SIPA1: variants seen among roughly 807,000 people sequenced by gnomAD.
SIPA1 encodes signal-induced proliferation-associated protein 1.
In SIPA1, 51 loss-of-function variants were observed where a neutral mutation model predicts 88.1. The observed-to-expected ratio is 0.58, with a 90% CI of 0.46 to 0.73. The LOEUF is 0.73. Ranked by LOEUF, SIPA1 falls within the 30% of genes least tolerant of loss-of-function variation. SIPA1 has a pLI of 0.00. For missense variants in SIPA1, 1,348 were observed against 1,467.6 expected (o/e 0.92, Z 1.33); for synonymous variants, 681 against 664.8 (o/e 1.02, Z -0.37).
At chr11:65,649,129 A>G (rs1856198503) in intron 9 of SIPA1, 133 bp from the exon 10 acceptor site, 1 of 656,078 alleles carries the variant, frequency 1.5e-6, no homozygotes, top group Non-Finnish European at 2.6e-6. Flanking sequence ...CCAGGCAGAC[A>G]TTTTTCACTG....
chr11:65,642,570 C>A lies in SIPA1; in HGVS notation c.915C>A (p.Pro305=). The change falls in exon 4 of 16, where the codon CCC becomes CCA. Residue 305 remains proline (P), a synonymous_variant. Transcript: ENST00000534313. This position sits in a 1 kb window ranked among gnomAD's most constrained non-coding sequence, Gnocchi z 6.5. The stretch of plus-strand genomic sequence containing the variant: ...AGCACGTGGCGCCGCAGCTGAGCCC[C>A]AGCTGCCTGCGCCTGGGCTCAGCTT... ...LLEHVAPQLS[P]SCLRLGSASP... 6.3e-7 allele frequency: 1 copy of A among 1,599,890 alleles called. No individual in the cohort carries two copies. The highest frequency in any genetic ancestry group is 8.5e-7 in the Non-Finnish European group (1 of 1,177,668).
At chr11:65,645,611 A>G (rs1224154140) in intron 5 of SIPA1, among the ~76,000 whole-genome samples, 1 of 150,634 alleles carries the variant, frequency 6.6e-6, no homozygotes, top group African/African-American at 2.4e-5. Context: ...TTCTATTTCA[A>G]CTCTCCCATC....
Position 65,647,479 on chromosome 11 carries a change from G to T in SIPA1, c.2127G>T (p.Thr709=), listed in dbSNP as rs1268149855. 1.4e-6 allele frequency: 2 copies of T among 1,463,286 alleles called. No individual in the cohort carries two copies. Among genetic ancestry groups the T allele is most frequent in the Non-Finnish European group, 1.8e-6 (2 of 1,115,498 alleles). The allele number at this position is 1,463,286 out of a possible 1,614,324, so 90.6% of individuals were successfully genotyped here. ...GFEVDAEGFV[T]HVERFTFAET... The stretch of plus-strand genomic sequence containing the variant: ...AGGTGGACGCCGAGGGATTCGTCAC[G>T]CACGTGGAGCGCTTCACATTCGCCG... Residue 709 remains threonine, a synonymous_variant, in exon 9 of 16, where the codon ACG becomes ACT. Transcript: ENST00000534313.
rs777610491 is a variant in SIPA1, at chr11:65,649,488, C to T, written c.2525+8C>T. 2 of 1,613,666 alleles carry T rather than the reference C, an allele frequency of 1.2e-6. No individual in the cohort carries two copies. The highest frequency in any genetic ancestry group is 2.2e-5 in the South Asian group (2 of 91,058). On this transcript the variant is annotated splice_region_variant and intron_variant, in intron 10 of 15. Coordinates refer to ENST00000534313, the MANE Select transcript of SIPA1 (RefSeq NM_006747.4). ...CTCGCTGTCACCACGCAGGTGCACA[C>T]TCTTGGCCTTCCCTCTCCTCCAGGC...
chr11:65,647,426 C>A lies in SIPA1; in HGVS notation c.2074C>A (p.Arg692Ser). ...CGAGACCCGCGAGCTGGCGCTGCCC[C>A]GCGACGGTCAAGGCCGCCTGGGCTT... ...GCETRELALP[R>S]DGQGRLGFEV... The change falls in exon 9 of 16, where the codon CGC becomes AGC. Residue 692 changes from arginine to serine, a missense_variant. By Grantham distance (110) the Arg-to-Ser change is moderately radical. Coordinates refer to ENST00000534313, the MANE Select transcript of SIPA1 (RefSeq NM_006747.4). 1 of 1,476,884 alleles carries A rather than the reference C, an allele frequency of 6.8e-7. No homozygotes were observed. Among genetic ancestry groups the A allele is most frequent in the East Asian group, 3.0e-5 (1 of 33,324 alleles). The allele number at this position is 1,476,884 out of a possible 1,614,324, so 91.5% of individuals were successfully genotyped here. A position where few individuals can be genotyped will look rare whatever the true frequency, so the allele number is the denominator to read the frequency against.
In SIPA1 at chr11:65,647,075, A is replaced by G; in HGVS notation, c.2031+10A>G. ...GGTGGCGCGCCTGCAGGTGAGCTGG[A>G]GTGGTAAACTGGGGCCCCTGCGCGC... On this transcript the variant is annotated intron_variant, in intron 8 of 15. Coordinates refer to ENST00000534313, the MANE Select transcript of SIPA1 (RefSeq NM_006747.4). The G allele has an allele frequency of 6.6e-7, 1 of 1,520,784 alleles. No individual in the cohort carries two copies. The allele number at this position is 1,520,784 out of a possible 1,614,324, so 94.2% of individuals were successfully genotyped here.
At chr11:65,641,649 G>A (rs1231651922) in intron 2 of SIPA1, 49 bp downstream of exon 2, 1 of 1,504,208 alleles carries the variant, frequency 6.6e-7, no homozygotes, top group Non-Finnish European at 9.0e-7. Context: ...TGAAGAAGAG[G>A]TCCCTGTCAC....
At position 65,642,278 on chromosome 11, in the gene SIPA1, G is replaced by A. The variant is rs1165308655; in HGVS notation, c.708G>A (p.Glu236=). The part of the protein sequence containing the change: ...KEHQNFFGMD[E]SLGPVAVSLR... ...ATCAGAACTTCTTCGGGATGGACGA[G>A]TCGCTGGGCCCGGTGGCAGTGAGCC... Residue 236 remains glutamate, a synonymous_variant, in exon 3 of 16, where the codon GAG becomes GAA. Coordinates refer to ENST00000534313, the MANE Select transcript of SIPA1 (RefSeq NM_006747.4). This position sits in a 1 kb window ranked among gnomAD's most constrained non-coding sequence, Gnocchi z 6.5. 9.6e-6 allele frequency: 15 copies of A among 1,554,938 alleles called. No homozygotes were observed. Among genetic ancestry groups the A allele is most frequent in the Admixed American group, 2.0e-5 (1 of 49,562 alleles).
chr11:65,649,483 G>A lies in SIPA1; in HGVS notation c.2525+3G>A, dbSNP rs951378313. The A allele has an allele frequency of 1.2e-6, 2 of 1,613,458 alleles. No homozygotes were observed. On this transcript the variant is annotated splice_donor_region_variant and intron_variant, in intron 10 of 15. Transcript: ENST00000534313. ...CAGAACTCGCTGTCACCACGCAGGT[G>A]CACACTCTTGGCCTTCCCTCTCCTC...
At chr11:65,641,929 G>A (rs1410249091) in intron 2 of SIPA1, among the ~76,000 whole-genome samples, 1 of 152,184 alleles carries the variant, frequency 6.6e-6, no homozygotes, top group African/African-American at 2.4e-5. Context: ...CCCTGCATCC[G>A]TGAACCTTGT....
Position 65,649,663 on chromosome 11 carries a change from CCT to C in SIPA1, c.2629_2630del (p.Leu877AspfsTer12). 1 of 1,614,088 alleles carries C rather than the reference CCT, an allele frequency of 6.2e-7. No individual in the cohort carries two copies. The highest frequency in any genetic ancestry group is 8.5e-7 in the Non-Finnish European group (1 of 1,180,038). On this transcript the variant is annotated frameshift_variant, in exon 11 of 16. Transcript: ENST00000534313. LOFTEE classifies it high-confidence loss of function. Reference protein sequence around the residue: ...SVPSADSETPLTQDRPGSPSG... With the variant: ...SVPSADSETPXTQDRPGSPSG... ...TACCCAGTGCTGACAGTGAGACACC[CCT>C]GACCCAGGTGAGCAGAAACCAGGCT...
Position 65,647,201 on chromosome 11 carries a change from G to A in SIPA1, c.2031+136G>A, listed in dbSNP as rs1590923632. ...GAGGGCAGAGCCAGCCCCGGGGCTT[G>A]GCAAGGCCGGAACTGGTGCCCTCGG... On this transcript the variant is annotated intron_variant, in intron 8 of 15. Transcript: ENST00000534313. 33 of 1,408,424 alleles carry A rather than the reference G, an allele frequency of 2.3e-5. No homozygotes were observed. In the East Asian group the frequency reaches 8.8e-4, roughly 37 times the overall value. 87.2% of individuals were successfully genotyped at this position (1,408,424 alleles called of 1,614,324 possible). A position where few individuals can be genotyped will look rare whatever the true frequency, so the allele number is the denominator to read the frequency against.
rs1255507653 is a variant in SIPA1 at position 65,650,767 on chromosome 11, T to A, written c.*52T>A. On this transcript the variant is annotated 3_prime_UTR_variant, in exon 16 of 16. Transcript: ENST00000534313. ...AGGGCACTGTGGTCACACTGGGCCC[T>A]CCTCAGGAACTCTCCCTGCGCAGAG... The A allele has an allele frequency of 5.4e-6, 8 of 1,483,966 alleles. No homozygotes were observed. Among genetic ancestry groups the A allele is most frequent in the Non-Finnish European group, 7.2e-6 (8 of 1,113,972 alleles). 91.9% of individuals were successfully genotyped at this position (1,483,966 alleles called of 1,614,324 possible).
Position 65,649,621 on chromosome 11 carries a change from C to A in SIPA1, c.2586C>A (p.Thr862=). The A allele has an allele frequency of 6.2e-7, 1 of 1,614,130 alleles. No individual in the cohort carries two copies. The highest frequency in any genetic ancestry group is 8.5e-7 in the Non-Finnish European group (1 of 1,180,028). The part of the protein sequence containing the change: ...PNTTPDLLLA[T]TAKPSVPSAD... ...CCACCCCGGACCTCCTCCTGGCCAC[C>A]ACAGCCAAGCCATCAGTACCCAGTG... The change falls in exon 11 of 16, where the codon ACC becomes ACA. Residue 862 remains threonine, a synonymous_variant. Transcript: ENST00000534313.
rs749443708 is a variant in SIPA1 at position 65,641,025 on chromosome 11, C to T, written c.104C>T (p.Pro35Leu). 75 of 1,591,090 alleles carry T rather than the reference C, an allele frequency of 4.7e-5. No individual in the cohort carries two copies. The highest frequency in any genetic ancestry group is 1.1e-4 in the African/African-American group (8 of 74,738). ...ARKLRQPARP[P>L]LTPHTFEPRP... ...AAGCTGCGCCAGCCAGCAAGGCCCCCGCTGACACCGCACACCTTCGAGCCG... is the reference window on the plus strand; with the variant it reads ...AAGCTGCGCCAGCCAGCAAGGCCCCTGCTGACACCGCACACCTTCGAGCCG... Residue 35 changes from proline (P) to leucine (L), a missense_variant, in exon 2 of 16, where the codon CCG becomes CTG. Around this residue, in one of 4 missense-constraint regions of SIPA1, gnomAD observed 641 missense variants for 797.7 expected, o/e 0.80. Transcript: ENST00000534313.
chr11:65,644,766 TC>T (rs1856074139), intron 4 of SIPA1, among the ~76,000 whole-genome samples, 188 bp from the exon 5 acceptor site: 1 of 152,030 alleles, frequency 6.6e-6, no homozygotes, highest in African/African-American at 2.4e-5. Context: ...CCTCCTCCCA[TC>T]CCTTCCTACC....
chr11:65,644,872 C>T, intron 4 of SIPA1, 83 bp from the exon 5 acceptor site: 1 of 1,419,640 alleles, frequency 7.0e-7, no homozygotes, highest in Non-Finnish European at 9.7e-7. Context: ...CAGCCCCAGG[C>T]CAGCGTCCCA....
At chr11:65,648,884 T>G (rs1272520682) in intron 9 of SIPA1, among the ~76,000 whole-genome samples, 1 of 150,828 alleles carries the variant, frequency 6.6e-6, no homozygotes, top group East Asian at 1.9e-4. Flanking sequence ...GTACAGAAAC[T>G]GGCACATCTG....
chr11:65,644,700 T>C (rs925847907), intron 4 of SIPA1, among the ~76,000 whole-genome samples: 9 of 151,704 alleles, frequency 5.9e-5, no homozygotes, highest in African/African-American at 2.2e-4. Flanking sequence ...AATGTGTATG[T>C]TTATTGGAAG....
Sources: gnomAD v4.1 joint callset for allele counts (sites outside exome capture counted in the v4.1 genomes callset) on GRCh38, gnomAD v4.1.1 for gene constraint, gnomAD v4.1.1 regional missense constraint, Gnocchi (gnomAD v3.1) non-coding constraint, MANE v1.5 for transcripts, NCBI Gene and HGNC (gene_info 2026-07-23, HGNC 2026-07-21) for gene names.